Variants in MAGI3 observed in about 807,000 individuals in gnomAD.
MAGI3 encodes the protein membrane-associated guanylate kinase, WW and PDZ domain-containing protein 3.
A neutral mutation model predicts 121.8 loss-of-function variants in MAGI3; 43 were observed. That is an observed-to-expected ratio of 0.35 (90% CI 0.28 to 0.46). MAGI3 has a LOEUF of 0.46. Among genes scored for constraint, MAGI3 ranks in the 20% least tolerant of loss-of-function variants. The probability of loss-of-function intolerance (pLI) is 1.00; values close to 1 mark genes in which losing one functional copy is unlikely to be tolerated. For missense variants in MAGI3, 1,547 were observed against 1,797.3 expected, an observed-to-expected ratio of 0.86 and a Z score of 2.52; for synonymous variants, 553 against 639.3, an observed-to-expected ratio of 0.86 and a Z score of 2.04.
chr1:113,427,805 A>G (rs893532022), intron 1 of MAGI3, among the ~76,000 whole-genome samples: 4 of 151,816 alleles, frequency 2.6e-5, no homozygotes, highest in Admixed American at 2.6e-4. Context: ...ACTTTTTCCA[A>G]CGCTGCCTTT....
chr1:113,560,801 A>C (rs1438716236), intron 2 of MAGI3, among the ~76,000 whole-genome samples: 1 of 152,112 alleles, frequency 6.6e-6, no homozygotes. Flanking sequence ...GACATGAAAA[A>C]CCCTTCAAAA....
At chr1:113,489,169 G>GCCCCCC (rs142365833) in intron 1 of MAGI3, among the ~76,000 whole-genome samples, 1 of 148,290 alleles carries the variant, frequency 6.7e-6, no homozygotes, top group South Asian at 2.2e-4. Flanking sequence ...AACACCTTAG[G>GCCCCCC]CCCCCCCCGA....
At chr1:113,414,115 T>A (rs1652164624) in intron 1 of MAGI3, among the ~76,000 whole-genome samples, 1 of 152,214 alleles carries the variant, frequency 6.6e-6, no homozygotes, top group African/African-American at 2.4e-5. Flanking sequence ...CAAAGGCCTT[T>A]TCTGCATCTA....
intron 1 of MAGI3, among the ~76,000 whole-genome samples, chr1:113,526,108 G>C (rs576998222): frequency 6.6e-6 from 1 of 152,070 alleles, no homozygotes; most frequent in African/African-American, 2.4e-5. Flanking sequence ...TTTGAAAAAG[G>C]CTTTAAAAAT....
chr1:113,633,632 T>C (rs1651809561), intron 9 of MAGI3, among the ~76,000 whole-genome samples: 1 of 152,220 alleles, frequency 6.6e-6, no homozygotes, highest in South Asian at 2.1e-4. Context: ...ATCCAGTCTA[T>C]CATTGTTGGA....
chr1:113,546,731 A>G (rs1240882258), intron 1 of MAGI3, among the ~76,000 whole-genome samples: 2 of 152,046 alleles, frequency 1.3e-5, no homozygotes, highest in African/African-American at 2.4e-5. Context: ...TGAACGGTGA[A>G]AAACAGAGTG....
Position 113,681,269 on chromosome 1 carries a change from C to T in MAGI3, c.3261C>T (p.Leu1087=). 6.2e-7 allele frequency: 1 copy of T among 1,614,104 alleles called. No homozygotes were observed. Among genetic ancestry groups the T allele is most frequent in the South Asian group, 1.1e-5 (1 of 91,078 alleles). Reference sequence around the variant, plus strand: ...TCACACATACTCGAGCAATTGAGCTCATTCAGGCTGGTGGAAATAAAGTTC... The same window carrying T: ...TCACACATACTCGAGCAATTGAGCTTATTCAGGCTGGTGGAAATAAAGTTC... ...QGITHTRAIE[L]IQAGGNKVLL... is the part of the protein sequence containing the mutation. The change falls in exon 20 of 21, where the codon CTC becomes CTT. Residue 1087 remains leucine (L), a synonymous_variant. Transcript: ENST00000307546.
intron 1 of MAGI3, among the ~76,000 whole-genome samples, chr1:113,530,039 C>G (rs1282866343): frequency 1.3e-5 from 2 of 152,038 alleles, no homozygotes; most frequent in East Asian, 3.9e-4. Context: ...TATAACTGTG[C>G]ATTCAAATAA....
At position 113,683,157 on chromosome 1, in the gene MAGI3, C is replaced by A; in HGVS notation, c.3589C>A (p.Pro1197Thr). ...LQKNVSKRDPPSSHGHSNKKN... is the reference protein window; with the variant it reads ...LQKNVSKRDPTSSHGHSNKKN... ...GAAAAATGTGAGTAAGAGGGATCCACCCAGCAGTCATGGGCACAGTAACAA... is the reference window on the plus strand; with the variant it reads ...GAAAAATGTGAGTAAGAGGGATCCAACCAGCAGTCATGGGCACAGTAACAA... The change falls in exon 21 of 21, where the codon CCC becomes ACC. Residue 1197 changes from proline (P) to threonine (T), a missense_variant. Physicochemically the swap from Pro to Thr is conservative, Grantham distance 38. Coordinates refer to ENST00000307546, the MANE Select transcript of MAGI3 (RefSeq NM_001142782.2). 4 of 1,613,878 alleles carry A rather than the reference C, an allele frequency of 2.5e-6. No individual in the cohort carries two copies. Among genetic ancestry groups the A allele is most frequent in the Non-Finnish European group, 3.4e-6 (4 of 1,179,870 alleles).
chr1:113,571,402 A>G (rs1332636992), intron 2 of MAGI3, among the ~76,000 whole-genome samples: 2 of 152,178 alleles, frequency 1.3e-5, no homozygotes, highest in Non-Finnish European at 2.9e-5. Flanking sequence ...TATGAAATTT[A>G]AAGTAGTTTT....
At chr1:113,418,763 C>T (rs900161765) in intron 1 of MAGI3, among the ~76,000 whole-genome samples, 2 of 152,000 alleles carry the variant, frequency 1.3e-5, no homozygotes, top group African/African-American at 4.8e-5. Context: ...CACCTGTTTG[C>T]ACTTATGTAT....
At chr1:113,681,079 T>C in intron 19 of MAGI3, 119 bp from the exon 20 acceptor site, 1 of 1,137,174 alleles carries the variant, frequency 8.8e-7, no homozygotes, top group Non-Finnish European at 1.3e-6. Flanking sequence ...GGGTACACGT[T>C]AGGTATTTTA....
intron 16 of MAGI3, among the ~76,000 whole-genome samples, chr1:113,663,511 C>T (rs1239063879): frequency 6.6e-6 from 1 of 151,892 alleles, no homozygotes; most frequent in Non-Finnish European, 1.5e-5. Flanking sequence ...TTTCAAGGTA[C>T]GTCCTAGTTG....
At chr1:113,446,145 ATAATT>A (rs1654168445) in intron 1 of MAGI3, among the ~76,000 whole-genome samples, 1 of 152,176 alleles carries the variant, frequency 6.6e-6, no homozygotes, top group Non-Finnish European at 1.5e-5. Flanking sequence ...TTTTTTCTAC[ATAATT>A]TAAGAAACTA....
intron 1 of MAGI3, among the ~76,000 whole-genome samples, chr1:113,410,512 T>C (rs1414635998): frequency 1.3e-5 from 2 of 152,124 alleles, no homozygotes; most frequent in Admixed American, 1.3e-4. Flanking sequence ...TTTTGGGAGA[T>C]CTTGATAATG....
chr1:113,442,287 A>G (rs1235603002), intron 1 of MAGI3, among the ~76,000 whole-genome samples: 3 of 152,220 alleles, frequency 2.0e-5, no homozygotes, highest in Non-Finnish European at 4.4e-5. Flanking sequence ...TGTATGACGG[A>G]AGTACCCAGC....
At chr1:113,438,131 G>A (rs113012496) in intron 1 of MAGI3, among the ~76,000 whole-genome samples, 1 of 151,752 alleles carries the variant, frequency 6.6e-6, no homozygotes, top group Non-Finnish European at 1.5e-5. Flanking sequence ...GTTTGAGGCT[G>A]GGGTGACAAG....
chr1:113,683,361 A>T lies in MAGI3; in HGVS notation c.3793A>T (p.Ser1265Cys). The T allele has an allele frequency of 6.2e-7, 1 of 1,613,998 alleles. No homozygotes were observed. The highest frequency in any genetic ancestry group is 1.1e-5 in the South Asian group (1 of 91,084). The change falls in exon 21 of 21, where the codon AGT becomes TGT. Residue 1265 changes from serine (S) to cysteine (C), a missense_variant. Transcript: ENST00000307546. ...CAGCCCCAGCAAAGGGGAAAATAAAAGTTGTCAGGTCAGCACCAGGGCAGG... is the reference window on the plus strand; with the variant it reads ...CAGCCCCAGCAAAGGGGAAAATAAATGTTGTCAGGTCAGCACCAGGGCAGG... ...SLSPSKGENK[S>C]CQVSTRAGSG...
At chr1:113,607,932 C>G (rs1649884201) in intron 6 of MAGI3, among the ~76,000 whole-genome samples, 1 of 151,870 alleles carries the variant, frequency 6.6e-6, no homozygotes, top group African/African-American at 2.4e-5. Flanking sequence ...TGCCATATAC[C>G]CATTTCTTCT....
Sources: gnomAD v4.1 joint callset for allele counts (sites outside exome capture counted in the v4.1 genomes callset) on GRCh38, gnomAD v4.1.1 for gene constraint, MANE v1.5 for transcripts, NCBI Gene and HGNC (gene_info 2026-07-23, HGNC 2026-07-21) for gene names.